The following TAOK1 variants were observed in gnomAD, a reference collection of about 807,000 sequenced individuals.
TAOK1 encodes TAO kinase 1.
Under a neutral mutation model 138.3 loss-of-function variants are expected in TAOK1, and 21 were observed. The observed-to-expected ratio is 0.15, with a 90% confidence interval of 0.11 to 0.22. The LOEUF (loss-of-function observed/expected upper bound fraction) is 0.22, where lower values mean the gene tolerates loss of function less well. TAOK1 is among the 10% of genes least tolerant of loss of function. The probability of loss-of-function intolerance (pLI) is 1.00; values close to 1 mark genes in which losing one functional copy is unlikely to be tolerated. For synonymous variants in TAOK1, 361 were observed against 398.4 expected (o/e 0.91, Z 1.12); for missense variants, 651 against 1,227.7 (o/e 0.53, Z 7.02).
intron 8 of TAOK1, among the ~76,000 whole-genome samples, chr17:29,488,169 A>C (rs2031211105): frequency 6.6e-6 from 1 of 152,236 alleles, no homozygotes; most frequent in South Asian, 2.1e-4. Context: ...AAAACGGTGT[A>C]GTTTTTGCAT....
chr17:29,480,491 G>T lies in TAOK1; in HGVS notation c.563+10G>T. 6.2e-7 allele frequency: 1 copy of T among 1,602,126 alleles called. No homozygotes were observed. Among genetic ancestry groups the T allele is most frequent in the South Asian group, 1.1e-5 (1 of 90,234 alleles). ...TGGGAACGCCGTATTGGTAAGAATA[G>T]TTAAAGCAGTCAGCAGCTGTTTTAA... On this transcript the variant is annotated intron_variant, in intron 7 of 19. Transcript: ENST00000261716.
Position 29,542,894 on chromosome 17 carries a change from A to G in TAOK1, c.2878A>G (p.Met960Val). ...GCAAGGGGTACCTCGAGGTAGCAGT[A>G]TGGGAGTCCGCAATAGCCCCCAGGC... ...PMQGVPRGSS[M>V]GVRNSPQALR... is the part of the protein sequence containing the mutation. Residue 960 changes from methionine to valine, a missense_variant, in exon 20 of 20, where the codon ATG (methionine) becomes GTG (valine). Physicochemically the swap from Met to Val is conservative, Grantham distance 21. Transcript: ENST00000261716. 1 of 1,613,968 alleles carries G rather than the reference A, an allele frequency of 6.2e-7. No individual in the cohort carries two copies. The highest frequency in any genetic ancestry group is 8.5e-7 in the Non-Finnish European group (1 of 1,179,960).
At chr17:29,487,246 CAAAAAAAAAAAAAAAAA>C (rs71138823) in intron 8 of TAOK1, among the ~76,000 whole-genome samples, 5 of 90,278 alleles carry the variant, frequency 5.5e-5, no homozygotes, top group East Asian at 4.8e-4. Context: ...ACTGTGTCTC[CAAAAAAAAAAAAAAAAA>C]AAAAAAAAAA....
intron 3 of TAOK1, among the ~76,000 whole-genome samples, chr17:29,468,417 G>A (rs1450719669): frequency 2.0e-5 from 3 of 151,790 alleles, no homozygotes; most frequent in African/African-American, 7.3e-5. Flanking sequence ...GATTGTAGGC[G>A]TAAGCCACCG....
intron 12 of TAOK1, among the ~76,000 whole-genome samples, chr17:29,502,045 A>G (rs1021119620): frequency 6.6e-6 from 1 of 152,222 alleles, no homozygotes; most frequent in African/African-American, 2.4e-5. Flanking sequence ...GTCTCAAACA[A>G]CAAACAAATC....
At chr17:29,437,113 G>A (rs146844537) in intron 1 of TAOK1, among the ~76,000 whole-genome samples, 2 of 152,130 alleles carry the variant, frequency 1.3e-5, no homozygotes, top group Non-Finnish European at 2.9e-5. Context: ...GCCCGGGCTG[G>A]AGTGCAGTGG....
At chr17:29,439,108 A>G (rs1437409025) in intron 1 of TAOK1, among the ~76,000 whole-genome samples, 2 of 152,118 alleles carry the variant, frequency 1.3e-5, no homozygotes, top group East Asian at 1.9e-4. Flanking sequence ...TAAGCACAAT[A>G]TAATTGTGAT....
In TAOK1 at chr17:29,545,493, A is replaced by T. The variant is rs1313010478; in HGVS notation, c.*2471A>T. 2 of 152,216 alleles carry T rather than the reference A, an allele frequency of 1.3e-5. No individual in the cohort carries two copies. The highest frequency in any genetic ancestry group is 2.4e-5 in the African/African-American group (1 of 41,458). 9.4% of individuals were successfully genotyped at this position (152,216 alleles called of 1,614,324 possible). ...ACTTAAATTAGTCAAATTGAGAGTT[A>T]CTGAGTCCATTCAGATCTCCAGTAG... is the stretch of plus-strand genomic sequence containing the variant. On this transcript the variant is annotated 3_prime_UTR_variant, in exon 20 of 20. Transcript: ENST00000261716.
At chr17:29,491,567 A>G (rs1351714085) in intron 9 of TAOK1, among the ~76,000 whole-genome samples, 2 of 152,160 alleles carry the variant, frequency 1.3e-5, no homozygotes, top group Non-Finnish European at 2.9e-5. Flanking sequence ...GCAGGATTTT[A>G]AAGTAATCTG....
intron 1 of TAOK1, among the ~76,000 whole-genome samples, chr17:29,441,127 T>G (rs2029930668): frequency 6.6e-6 from 1 of 152,180 alleles, no homozygotes; most frequent in Non-Finnish European, 1.5e-5. Flanking sequence ...TAAGGGGTAT[T>G]GGTCTGTAAT....
At chr17:29,402,383 G>C (rs1904874304) in intron 1 of TAOK1, among the ~76,000 whole-genome samples, 1 of 152,100 alleles carries the variant, frequency 6.6e-6, no homozygotes, top group African/African-American at 2.4e-5. Flanking sequence ...GGCTCACTGT[G>C]CCTCTACTTC....
At chr17:29,535,452 C>T (rs1029295563) in intron 19 of TAOK1, among the ~76,000 whole-genome samples, 9 of 152,188 alleles carry the variant, frequency 5.9e-5, no homozygotes, top group African/African-American at 1.4e-4. Flanking sequence ...TTAATACTTA[C>T]CTAATGATCT....
chr17:29,394,098 G>C (rs1904511120), intron 1 of TAOK1, among the ~76,000 whole-genome samples: 1 of 142,096 alleles, frequency 7.0e-6, no homozygotes, highest in Non-Finnish European at 1.5e-5. Context: ...ATACTAGAAA[G>C]ACTGGATGCT....
chr17:29,420,010 G>T (rs770014065), intron 1 of TAOK1, among the ~76,000 whole-genome samples: 1 of 151,140 alleles, frequency 6.6e-6, no homozygotes, highest in Non-Finnish European at 1.5e-5. Context: ...CTCCCAAGTA[G>T]CTGGGACTAC....
intron 2 of TAOK1, among the ~76,000 whole-genome samples, chr17:29,457,893 G>A (rs2153024856): frequency 6.6e-6 from 1 of 152,130 alleles, no homozygotes; most frequent in East Asian, 2.0e-4. Context: ...GGCAGATCAG[G>A]AGGTCAGGAG....
At chr17:29,423,776 G>C (rs1211036081) in intron 1 of TAOK1, among the ~76,000 whole-genome samples, 1 of 151,854 alleles carries the variant, frequency 6.6e-6, no homozygotes, top group Admixed American at 6.6e-5. Flanking sequence ...GCTGGGGCGT[G>C]GTGGCTCACA....
chr17:29,408,998 C>A (rs1359730297), intron 1 of TAOK1, among the ~76,000 whole-genome samples: 1 of 152,120 alleles, frequency 6.6e-6, no homozygotes, highest in Admixed American at 6.6e-5. Context: ...CAGGCATGAG[C>A]CATCACACCA....
At chr17:29,524,218 A>G (rs1394152292) in intron 17 of TAOK1, among the ~76,000 whole-genome samples, 1 of 152,196 alleles carries the variant, frequency 6.6e-6, no homozygotes, top group Non-Finnish European at 1.5e-5. Flanking sequence ...TTGTTTTTGC[A>G]GTGGGGAGAT....
In TAOK1 at chr17:29,451,473, C is replaced by T; in HGVS notation, c.-76C>T. 6.8e-7 allele frequency: 1 copy of T among 1,472,696 alleles called. No individual in the cohort carries two copies. The highest frequency in any genetic ancestry group is 9.0e-7 in the Non-Finnish European group (1 of 1,112,140). 91.2% of individuals were successfully genotyped at this position (1,472,696 alleles called of 1,614,324 possible). ...TCTACAGTAGTTTATGCCAACGTGA[C>T]TTCATTCATACAGATGAACCAAGGA... On this transcript the variant is annotated 5_prime_UTR_variant, in exon 2 of 20. Coordinates refer to ENST00000261716, the MANE Select transcript of TAOK1 (RefSeq NM_020791.4).
Sources: allele counts gnomAD v4.1 joint callset (sites outside exome capture counted in the v4.1 genomes callset), GRCh38; gene constraint gnomAD v4.1.1; transcripts MANE v1.5; gene names NCBI Gene and HGNC (gene_info 2026-07-23, HGNC 2026-07-21).